Variants in TEX261 observed in about 807,000 individuals in gnomAD.
TEX261 encodes the protein testis expressed 261, also known as protein TEX261.
In TEX261, 13 loss-of-function variants were observed where a neutral mutation model predicts 25.1. The ratio of observed to expected loss-of-function variants is 0.52; its 90% confidence interval spans 0.34 to 0.82. The LOEUF (loss-of-function observed/expected upper bound fraction) is 0.82. TEX261 is among the 40% of genes least tolerant of loss of function. The pLI, the probability that TEX261 is intolerant of heterozygous loss-of-function variation, is 0.02. For missense variants in TEX261, 206 were observed against 243.2 expected (o/e 0.85, Z 1.02); for synonymous variants, 92 against 97.8 (o/e 0.94, Z 0.35).
chr2:70,992,862 A>C (rs1398429023), intron 2 of TEX261, among the ~76,000 whole-genome samples: 1 of 152,206 alleles, frequency 6.6e-6, no homozygotes. Context: ...GTGACCTACT[A>C]TACAGCCAAA....
intron 2 of TEX261, among the ~76,000 whole-genome samples, chr2:70,992,255 T>A (rs1184471257): frequency 6.6e-6 from 1 of 151,888 alleles, no homozygotes; most frequent in Non-Finnish European, 1.5e-5. Context: ...TCCTGAGTAG[T>A]TGGGACTACA....
rs1392362159 is a variant in TEX261 at position 70,988,991 on chromosome 2, C to A, written c.399G>T (p.Leu133=). The A allele has an allele frequency of 6.2e-7, 1 of 1,614,020 alleles. No homozygotes were observed. The highest frequency in any genetic ancestry group is 1.1e-5 in the South Asian group (1 of 91,010). The change falls in exon 5 of 6, where the codon CTG becomes CTT. Residue 133 remains leucine, a synonymous_variant. Coordinates refer to ENST00000272438, the MANE Select transcript of TEX261 (RefSeq NM_144582.3). ...SEVLAYFTFC[L]WIIPFAFFVS... Reference sequence around the variant, plus strand: ...CAAAAAACGCAAACGGAATTATCCACAGGCAGAAAGTGAAATAGGCCAGGA... The same window carrying A: ...CAAAAAACGCAAACGGAATTATCCAAAGGCAGAAAGTGAAATAGGCCAGGA...
Position 70,994,765 on chromosome 2 carries a change from C to T in TEX261, c.-8G>A. On this transcript the variant is annotated 5_prime_UTR_variant, in exon 1 of 6. Coordinates refer to ENST00000272438, the MANE Select transcript of TEX261 (RefSeq NM_144582.3). ...CAGGTACATGAACCACATGGCGCCC[C>T]CACCCGCCCGCTCCCCGGCCACCGG... The T allele has an allele frequency of 3.8e-6, 6 of 1,585,200 alleles. No individual in the cohort carries two copies. The highest frequency in any genetic ancestry group is 5.1e-6 in the Non-Finnish European group (6 of 1,168,646).
chr2:70,988,633 C>T lies in TEX261; in HGVS notation c.558G>A (p.Glu186=), dbSNP rs781856763. Reference sequence around the variant, plus strand: ...TCTTCTGACGACTGGGTAGAATGGCCTCTTTGATGAAGGAGAAGACAACCA... The same window carrying T: ...TCTTCTGACGACTGGGTAGAATGGCTTCTTTGATGAAGGAGAAGACAACCA... ...GILVVFSFIK[E]AILPSRQKIY The change falls in exon 6 of 6, where the codon GAG becomes GAA. Residue 186 remains glutamate, a synonymous_variant. Transcript: ENST00000272438. The T allele has an allele frequency of 6.2e-7, 1 of 1,614,194 alleles. No homozygotes were observed. Among genetic ancestry groups the T allele is most frequent in the Non-Finnish European group, 8.5e-7 (1 of 1,180,046 alleles).
In TEX261 at chr2:70,994,859, C is replaced by A. The variant is rs1458642396; in HGVS notation, c.-102G>T. ...CGCCGCCGCCGCCGCCGCGTCCCCG[C>A]CCCGCGGACGACAGGACGACGGTGC... On this transcript the variant is annotated 5_prime_UTR_variant, in exon 1 of 6. Coordinates refer to ENST00000272438, the MANE Select transcript of TEX261 (RefSeq NM_144582.3). 1.6e-6 allele frequency: 2 copies of A among 1,218,290 alleles called. No homozygotes were observed. The highest frequency in any genetic ancestry group is 2.1e-6 in the Non-Finnish European group (2 of 974,104). The allele number at this position is 1,218,290 out of a possible 1,614,324, so 75.5% of individuals were successfully genotyped here.
Position 70,988,348 on chromosome 2 carries a change from AG to A in TEX261, c.*251del. On this transcript the variant is annotated 3_prime_UTR_variant, in exon 6 of 6. Coordinates refer to ENST00000272438, the MANE Select transcript of TEX261 (RefSeq NM_144582.3). Reference sequence around the variant, plus strand: ...CCTTGGAAGGGACAGGGGAGGACTGAGGGACCTCGGCCTCCTGGCTAAGCAG... The same window carrying A: ...CCTTGGAAGGGACAGGGGAGGACTGAGGACCTCGGCCTCCTGGCTAAGCAG... 1 of 482,594 alleles carries A rather than the reference AG, an allele frequency of 2.1e-6. No homozygotes were observed. Among genetic ancestry groups the A allele is most frequent in the Non-Finnish European group, 3.8e-6 (1 of 263,062 alleles). 29.9% of individuals were successfully genotyped at this position (482,594 alleles called of 1,614,324 possible).
chr2:70,991,722 G>T, intron 3 of TEX261, 108 bp downstream of exon 3: 1 of 1,358,138 alleles, frequency 7.4e-7, no homozygotes, highest in Non-Finnish European at 1.0e-6. Flanking sequence ...TGGCTTCCTG[G>T]AGGACTTCAA....
At chr2:70,993,014 G>A (rs1451077518) in intron 2 of TEX261, among the ~76,000 whole-genome samples, 4 of 152,236 alleles carry the variant, frequency 2.6e-5, no homozygotes, top group African/African-American at 9.6e-5. Flanking sequence ...AGAGCTGAGG[G>A]CTATAGTCTT....
chr2:70,993,861 C>T (rs1670354355), intron 1 of TEX261, 86 bp from the exon 2 acceptor site: 2 of 1,040,644 alleles, frequency 1.9e-6, no homozygotes, highest in African/African-American at 3.1e-5. Context: ...AGTCCCCATC[C>T]ACCCTTCATG....
In TEX261 at chr2:70,994,816, G is replaced by A. The variant is rs1267641310; in HGVS notation, c.-59C>T. 1.2e-5 allele frequency: 16 copies of A among 1,362,534 alleles called. No homozygotes were observed. The Admixed American group carries it at 1.4e-4, about 12-fold the overall frequency. The allele number at this position is 1,362,534 out of a possible 1,614,324, so 84.4% of individuals were successfully genotyped here. A position where few individuals can be genotyped will look rare whatever the true frequency, so the allele number is the denominator to read the frequency against. On this transcript the variant is annotated 5_prime_UTR_variant, in exon 1 of 6. Coordinates refer to ENST00000272438, the MANE Select transcript of TEX261 (RefSeq NM_144582.3). ...GACGGGCCTGCGCGCTTCGGCTCCG[G>A]CGACACACAGCCGCCACCGCCGCCG...
In TEX261 at chr2:70,994,456, T is replaced by C. The variant is rs77546063; in HGVS notation, c.70+232A>G. ...GCGGGGGCGGCACTCGAGTCACCCT[T>C]TCTCGGGCAGTGCCGGAGCGGACTC... On this transcript the variant is annotated intron_variant, in intron 1 of 5. Coordinates refer to ENST00000272438, the MANE Select transcript of TEX261 (RefSeq NM_144582.3). The C allele has an allele frequency of 3.8e-3, 2,207 of 584,780 alleles. 81 individuals are homozygous for C. The East Asian group carries it at 0.071, about 19-fold the overall frequency. 36.2% of individuals were successfully genotyped at this position (584,780 alleles called of 1,614,324 possible). A position where few individuals can be genotyped will look rare whatever the true frequency, so the allele number is the denominator to read the frequency against.
At chr2:70,992,133 C>A in intron 2 of TEX261, 150 bp from the exon 3 acceptor site, 2 of 676,290 alleles carry the variant, frequency 3.0e-6, no homozygotes, top group Non-Finnish European at 4.4e-6. Context: ...GTTCTCTGCT[C>A]CCAAAAGGCA....
At position 70,989,034 on chromosome 2, in the gene TEX261, C is replaced by A; in HGVS notation, c.373-17G>T. 1 of 1,608,152 alleles carries A rather than the reference C, an allele frequency of 6.2e-7. No individual in the cohort carries two copies. Among genetic ancestry groups the A allele is most frequent in the Non-Finnish European group, 8.5e-7 (1 of 1,176,754 alleles). On this transcript the variant is annotated splice_polypyrimidine_tract_variant and intron_variant, in intron 4 of 5. Coordinates refer to ENST00000272438, the MANE Select transcript of TEX261 (RefSeq NM_144582.3). Reference sequence around the variant, plus strand: ...GGCCAGGACCTGGCAACAAGAGAGACTGAGAAGAGGGTGCCCCGGAGGTGC... The same window carrying A: ...GGCCAGGACCTGGCAACAAGAGAGAATGAGAAGAGGGTGCCCCGGAGGTGC...
At chr2:70,993,429 CA>C (rs1670342494) in intron 2 of TEX261, among the ~76,000 whole-genome samples, 1 of 152,208 alleles carries the variant, frequency 6.6e-6, no homozygotes, top group South Asian at 2.1e-4. Flanking sequence ...ACGGTCTTGT[CA>C]ACAGAGAAGT....
At position 70,994,857 on chromosome 2, in the gene TEX261, C is replaced by A; in HGVS notation, c.-100G>T. On this transcript the variant is annotated 5_prime_UTR_variant, in exon 1 of 6. Coordinates refer to ENST00000272438, the MANE Select transcript of TEX261 (RefSeq NM_144582.3). ...ACCGCCGCCGCCGCCGCCGCGTCCC[C>A]GCCCCGCGGACGACAGGACGACGGT... 8.2e-7 allele frequency: 1 copy of A among 1,222,780 alleles called. No homozygotes were observed. The highest frequency in any genetic ancestry group is 1.0e-6 in the Non-Finnish European group (1 of 977,168). The allele number at this position is 1,222,780 out of a possible 1,614,324, so 75.7% of individuals were successfully genotyped here.
At chr2:70,993,805 G>A in intron 1 of TEX261, 30 bp from the exon 2 acceptor site, 2 of 1,579,484 alleles carry the variant, frequency 1.3e-6, no homozygotes, top group South Asian at 1.1e-5. Context: ...GAGACTATCA[G>A]CCAGGGTCAC....
chr2:70,994,660 C>G, intron 1 of TEX261, 28 bp downstream of exon 1: 2 of 1,574,370 alleles, frequency 1.3e-6, no homozygotes, highest in Non-Finnish European at 1.7e-6. Context: ...GGCGGGAGCC[C>G]GCGCGGGCCG....
In TEX261 at chr2:70,987,481, G is replaced by T. The variant is rs1211291773; in HGVS notation, c.*1119C>A. ...CATGGCCAGAAATGGCTCTCATAGGGACTTCATTCCAATATGTACTGTTGA... is the reference window on the plus strand; with the variant it reads ...CATGGCCAGAAATGGCTCTCATAGGTACTTCATTCCAATATGTACTGTTGA... On this transcript the variant is annotated 3_prime_UTR_variant, in exon 6 of 6. Transcript: ENST00000272438. 1 of 152,604 alleles carries T rather than the reference G, an allele frequency of 6.6e-6. No individual in the cohort carries two copies. Among genetic ancestry groups the T allele is most frequent in the African/African-American group, 2.4e-5 (1 of 41,440 alleles). The allele number at this position is 152,604 out of a possible 1,614,324, so 9.5% of individuals were successfully genotyped here. A position where few individuals can be genotyped will look rare whatever the true frequency, so the allele number is the denominator to read the frequency against.
rs1220295651 is a variant in TEX261 at position 70,988,543 on chromosome 2, G to C, written c.*57C>G. 7.2e-7 allele frequency: 1 copy of C among 1,387,306 alleles called. No homozygotes were observed. The highest frequency in any genetic ancestry group is 1.0e-6 in the Non-Finnish European group (1 of 974,970). The allele number at this position is 1,387,306 out of a possible 1,614,324, so 85.9% of individuals were successfully genotyped here. A position where few individuals can be genotyped will look rare whatever the true frequency, so the allele number is the denominator to read the frequency against. ...CGACTTCTGGTCCCCACCTGGCATA[G>C]AGGCCCAGGGGCCTGACTCTCCTGA... On this transcript the variant is annotated 3_prime_UTR_variant, in exon 6 of 6. Transcript: ENST00000272438.
Sources: gnomAD v4.1 joint callset for allele counts (sites outside exome capture counted in the v4.1 genomes callset) on GRCh38, gnomAD v4.1.1 for gene constraint, MANE v1.5 for transcripts, NCBI Gene and HGNC (gene_info 2026-07-23, HGNC 2026-07-21) for gene names.